Variants in ELP4 observed in about 807,000 individuals in gnomAD.
ELP4 encodes elongator complex protein 4.
In ELP4, 51 loss-of-function variants were observed where a neutral mutation model predicts 48.9. That is an observed-to-expected ratio of 1.04 (90% CI 0.83 to 1.32). The LOEUF (loss-of-function observed/expected upper bound fraction) is 1.32. Ranked by LOEUF, ELP4 falls within the 40% of genes most tolerant of loss-of-function variation. The probability of loss-of-function intolerance (pLI) is 0.00; values close to 1 mark genes in which losing one functional copy is unlikely to be tolerated. For synonymous variants in ELP4, 210 were observed against 189.2 expected (o/e 1.11, Z -0.90); for missense variants, 519 against 514.6 (o/e 1.01, Z -0.08).
At chr11:31,556,127 T>C (rs1182496606) in intron 3 of ELP4, among the ~76,000 whole-genome samples, 1 of 151,906 alleles carries the variant, frequency 6.6e-6, no homozygotes, top group Non-Finnish European at 1.5e-5. Context: ...CCCAGCAATT[T>C]ATCCATCATC....
intron 9 of ELP4, among the ~76,000 whole-genome samples, chr11:31,688,957 A>C (rs1287370492): frequency 1.3e-5 from 2 of 152,194 alleles, no homozygotes; most frequent in Non-Finnish European, 2.9e-5. Flanking sequence ...GGTTTCTCTA[A>C]TTTATGGCAA....
At chr11:31,510,664 G>A (rs77849200) in intron 1 of ELP4, 23 of 320,240 alleles carry the variant, frequency 7.2e-5, no homozygotes, top group Non-Finnish European at 1.3e-4. Flanking sequence ...AGTATTGATT[G>A]CTGCTACATT....
chr11:31,568,008 G>A (rs532889741), intron 3 of ELP4, among the ~76,000 whole-genome samples: 3 of 152,156 alleles, frequency 2.0e-5, no homozygotes, highest in Non-Finnish European at 4.4e-5. Context: ...GTCTGTACAA[G>A]TGATGCTGTT....
intron 9 of ELP4, among the ~76,000 whole-genome samples, chr11:31,706,363 C>T (rs1459224348): frequency 1.3e-5 from 2 of 151,710 alleles, no homozygotes; most frequent in African/African-American, 4.8e-5. Flanking sequence ...GACATGGTGG[C>T]TCATGCCTAT....
In ELP4 at chr11:31,787,874, C is replaced by A. The variant is rs1340099578; in HGVS notation, c.*4350C>A. Reference sequence around the variant, plus strand: ...CATGTTTAAATCCTTCCATTAATTTCTACATTTCTGATCATTTGCTTTTGG... The same window carrying A: ...CATGTTTAAATCCTTCCATTAATTTATACATTTCTGATCATTTGCTTTTGG... On this transcript the variant is annotated 3_prime_UTR_variant, in exon 10 of 10. Transcript: ENST00000640961. 1.8e-5 allele frequency: 4 copies of A among 220,730 alleles called. No homozygotes were observed. The highest frequency in any genetic ancestry group is 2.7e-5 in the Non-Finnish European group (3 of 110,344). The allele number at this position is 220,730 out of a possible 1,614,324, so 13.7% of individuals were successfully genotyped here.
At chr11:31,744,808 C>A (rs1478279523) in intron 9 of ELP4, among the ~76,000 whole-genome samples, 3 of 152,052 alleles carry the variant, frequency 2.0e-5, no homozygotes, top group Non-Finnish European at 4.4e-5. Context: ...AAACTGGAAG[C>A]ATTCCCTTTG....
At chr11:31,537,388 C>G (rs1478532814) in intron 2 of ELP4, among the ~76,000 whole-genome samples, 1 of 133,032 alleles carries the variant, frequency 7.5e-6, no homozygotes, top group Non-Finnish European at 1.5e-5. Flanking sequence ...TCCACATTAC[C>G]TTGATTGCTG....
chr11:31,704,076 A>G (rs1236834225), intron 9 of ELP4, among the ~76,000 whole-genome samples: 2 of 152,188 alleles, frequency 1.3e-5, no homozygotes, highest in African/African-American at 4.8e-5. Flanking sequence ...TCTGCTTACA[A>G]TAGTAATAGA....
intron 3 of ELP4, among the ~76,000 whole-genome samples, chr11:31,544,267 G>A (rs1056824807): frequency 1.1e-4 from 16 of 152,324 alleles, no homozygotes; most frequent in Non-Finnish European, 1.8e-4. Flanking sequence ...GGTGACAGAC[G>A]GCACCTGGAA....
At chr11:31,648,037 A>G (rs1371283610) in intron 8 of ELP4, 188 bp downstream of exon 8, 1 of 431,000 alleles carries the variant, frequency 2.3e-6, no homozygotes, top group African/African-American at 2.0e-5. Flanking sequence ...ACTATAGACT[A>G]TAATAACTGA....
intron 5 of ELP4, among the ~76,000 whole-genome samples, chr11:31,625,191 A>G (rs748603594): frequency 6.6e-6 from 1 of 151,784 alleles, no homozygotes. Flanking sequence ...AACGTGAGTA[A>G]TATGGCTACA....
intron 3 of ELP4, among the ~76,000 whole-genome samples, chr11:31,568,839 C>T (rs1957152433): frequency 1.3e-5 from 2 of 151,528 alleles, no homozygotes; most frequent in Non-Finnish European, 2.9e-5. Context: ...AATCCCAACA[C>T]TTTGGGAGGC....
intron 9 of ELP4, among the ~76,000 whole-genome samples, chr11:31,745,945 T>G: frequency 6.6e-6 from 1 of 151,878 alleles, no homozygotes; most frequent in Non-Finnish European, 1.5e-5. Flanking sequence ...ACCATCAGAG[T>G]GAACAGGCAA....
At chr11:31,670,758 C>A (rs1341200237) in intron 9 of ELP4, among the ~76,000 whole-genome samples, 2 of 151,818 alleles carry the variant, frequency 1.3e-5, no homozygotes, top group Admixed American at 6.6e-5. Context: ...ATTAAAATAA[C>A]CATTTTTATA....
chr11:31,765,296 T>C (rs919409547), intron 9 of ELP4, among the ~76,000 whole-genome samples: 5 of 152,222 alleles, frequency 3.3e-5, no homozygotes, highest in Non-Finnish European at 5.9e-5. Flanking sequence ...ACTTTGGTGC[T>C]GCATTGCTCC....
chr11:31,571,294 C>G (rs992707674), intron 3 of ELP4, among the ~76,000 whole-genome samples: 3 of 152,158 alleles, frequency 2.0e-5, no homozygotes, highest in African/African-American at 7.2e-5. Context: ...GAATCCATCT[C>G]AAAAATAACA....
intron 7 of ELP4, chr11:31,633,744 T>C (rs1944914389): frequency 6.6e-6 from 1 of 152,086 alleles, no homozygotes. Context: ...ACTTATCAGA[T>C]ACTGGTGAAA....
At chr11:31,623,354 A>AATATATATATATATATATAT (rs779632233) in intron 5 of ELP4, among the ~76,000 whole-genome samples, 8 of 9,242 alleles carry the variant, frequency 8.7e-4, no homozygotes, top group East Asian at 2.7e-3. Flanking sequence ...ATTTTCAGCA[A>AATATATATATATATATATAT]ATATATATAT....
intron 9 of ELP4, among the ~76,000 whole-genome samples, chr11:31,730,705 A>G (rs1426642290): frequency 6.6e-6 from 1 of 152,188 alleles, no homozygotes; most frequent in East Asian, 1.9e-4. Context: ...ACTGCAGTAT[A>G]GCAGACACAG....
Sources: allele counts gnomAD v4.1 joint callset (sites outside exome capture counted in the v4.1 genomes callset), GRCh38; gene constraint gnomAD v4.1.1; transcripts MANE v1.5; gene names NCBI Gene and HGNC (gene_info 2026-07-23, HGNC 2026-07-21).